The following HYDIN variants were observed in gnomAD, a reference collection of about 807,000 sequenced individuals.
HYDIN encodes axonemal central pair apparatus protein HYDIN.
HYDIN carries 132 observed loss-of-function variants against 403.9 expected under a neutral mutation model. The ratio of observed to expected loss-of-function variants is 0.33; its 90% confidence interval spans 0.28 to 0.38. HYDIN has a LOEUF of 0.38. Among genes scored for constraint, HYDIN ranks in the 10% least tolerant of loss-of-function variants. The pLI is 1.00. For synonymous variants in HYDIN, 1,202 were observed against 1,891.7 expected, an observed-to-expected ratio of 0.64 and a Z score of 9.46; for missense variants, 2,827 against 5,009.5, an observed-to-expected ratio of 0.56 and a Z score of 13.15.
At chr16:70,858,812 C>T (rs2039197023) in intron 71 of HYDIN, among the ~76,000 whole-genome samples, 1 of 152,092 alleles carries the variant, frequency 6.6e-6, no homozygotes, top group Non-Finnish European at 1.5e-5. Context: ...GGGCCATGAT[C>T]CAGGTAGGAT....
intron 67 of HYDIN, chr16:70,865,286 C>G: frequency 2.8e-6 from 1 of 358,368 alleles, no homozygotes; most frequent in Non-Finnish European, 5.6e-6. Context: ...AGCTGGGGAA[C>G]TACCTTGTCC....
At chr16:71,177,544 T>C (rs1438999276) in intron 4 of HYDIN, among the ~76,000 whole-genome samples, 2 of 152,180 alleles carry the variant, frequency 1.3e-5, no homozygotes, top group East Asian at 3.9e-4. Flanking sequence ...TGTCACTAAA[T>C]CACCCCACTG....
At chr16:71,228,683 T>C (rs1010511694) in intron 1 of HYDIN, among the ~76,000 whole-genome samples, 5 of 152,130 alleles carry the variant, frequency 3.3e-5, no homozygotes, top group Admixed American at 6.5e-5. Flanking sequence ...CGTGGAGAAA[T>C]AGGAACACTT....
chr16:71,173,509 A>G (rs983058829), intron 5 of HYDIN, among the ~76,000 whole-genome samples: 3 of 152,230 alleles, frequency 2.0e-5, no homozygotes, highest in Non-Finnish European at 2.9e-5. Flanking sequence ...AAACAGTAAT[A>G]AAATCTCTCT....
intron 45 of HYDIN, among the ~76,000 whole-genome samples, chr16:70,933,343 G>A (rs1406584756): frequency 6.7e-6 from 1 of 149,966 alleles, no homozygotes; most frequent in Non-Finnish European, 1.5e-5. Flanking sequence ...GAGGAATATA[G>A]GGCCAGGAAG....
chr16:70,889,468 T>C, intron 58 of HYDIN, 119 bp downstream of exon 58: 1 of 199,398 alleles, frequency 5.0e-6, no homozygotes, highest in Non-Finnish European at 8.1e-6. Context: ...GTATAATTAT[T>C]TCATATTCCT....
intron 37 of HYDIN, among the ~76,000 whole-genome samples, chr16:70,963,089 G>A (rs1227863059): frequency 2.6e-5 from 4 of 151,602 alleles, no homozygotes; most frequent in Non-Finnish European, 5.9e-5. Context: ...GTACATTGCA[G>A]CCCTTGCTGC....
chr16:71,056,811 C>A (rs1339685751), intron 18 of HYDIN, among the ~76,000 whole-genome samples: 6 of 149,842 alleles, frequency 4.0e-5, no homozygotes, highest in Admixed American at 2.0e-4. Flanking sequence ...TGTAAGAATG[C>A]ATTTGAAGGT....
intron 50 of HYDIN, among the ~76,000 whole-genome samples, chr16:70,905,206 G>A (rs2076501045): frequency 6.6e-6 from 1 of 151,986 alleles, no homozygotes; most frequent in African/African-American, 2.4e-5. Flanking sequence ...TGCCAAAGGG[G>A]TGCCGCCTTC....
intron 75 of HYDIN, among the ~76,000 whole-genome samples, 199 bp downstream of exon 75, chr16:70,849,527 T>G (rs1340964569): frequency 6.6e-6 from 1 of 152,186 alleles, no homozygotes; most frequent in East Asian, 1.9e-4. Flanking sequence ...ATAATTGCTT[T>G]TCAATCCACA....
intron 1 of HYDIN, among the ~76,000 whole-genome samples, chr16:71,192,087 A>T (rs1251211033): frequency 1.3e-5 from 2 of 152,174 alleles, no homozygotes; most frequent in Non-Finnish European, 2.9e-5. Context: ...CAGAGGAGGT[A>T]AGTAACCTGC....
At chr16:71,218,199 C>T (rs745664816) in intron 1 of HYDIN, among the ~76,000 whole-genome samples, 9 of 152,150 alleles carry the variant, frequency 5.9e-5, no homozygotes, top group African/African-American at 9.7e-5. Context: ...TGGTTGTTAG[C>T]GACTGTTCCA....
intron 84 of HYDIN, among the ~76,000 whole-genome samples, chr16:70,811,762 C>T (rs1278758323): frequency 6.6e-6 from 1 of 151,816 alleles, no homozygotes; most frequent in Non-Finnish European, 1.5e-5. Flanking sequence ...GAGGCTGAGG[C>T]AGGAGAATTG....
intron 45 of HYDIN, among the ~76,000 whole-genome samples, chr16:70,923,647 C>CAAAAAAAAA (rs57860871): frequency 0.017 from 1,180 of 68,942 alleles, no homozygotes; most frequent in Non-Finnish European, 0.024. Context: ...CTAAAAAATA[C>CAAAAAAAAA]AAAAAAAAAA....
chr16:71,186,980 T>A (rs540963724), intron 1 of HYDIN, 62 bp from the exon 2 acceptor site: 2 of 1,090,352 alleles, frequency 1.8e-6, no homozygotes, highest in South Asian at 1.7e-5. Flanking sequence ...CAGGTCATAA[T>A]TTTTTTTAAG....
In HYDIN at chr16:70,804,348, G is replaced by C. The variant is rs2035016298; in HGVS notation, c.*3232C>G. Reference sequence around the variant, plus strand: ...AATGCACAGAGACAGTGGGGATGCAGCAGAGAAAGTGATGATCAAAGGTCA... The same window carrying C: ...AATGCACAGAGACAGTGGGGATGCACCAGAGAAAGTGATGATCAAAGGTCA... On this transcript the variant is annotated 3_prime_UTR_variant, in exon 86 of 86. Transcript: ENST00000393567. 6.6e-6 allele frequency among the ~76,000 whole-genome samples: 1 copy of C among 152,242 alleles called. No individual in the cohort carries two copies. The highest frequency in any genetic ancestry group is 1.5e-5 in the Non-Finnish European group (1 of 68,050).
At chr16:71,099,988 A>G (rs117475146) in intron 10 of HYDIN, among the ~76,000 whole-genome samples, 5,751 of 152,254 alleles carry the variant, frequency 0.038, 136 homozygotes, top group Non-Finnish European at 0.058. Flanking sequence ...TGGGCAACAG[A>G]GCAAGAAGTG....
chr16:70,937,522 G>A lies in HYDIN; in HGVS notation c.6995+1092C>T, dbSNP rs1179787853. ...ACAAAAAAATTGGCCGGGCATGGTG[G>A]TACATGCCTGTAATCCTAGCTACTT... is the stretch of plus-strand genomic sequence containing the variant. On this transcript the variant is annotated intron_variant, in intron 44 of 85. Transcript: ENST00000393567. Among the ~76,000 whole-genome samples the A allele has an allele frequency of 4.7e-5, 7 of 150,124 alleles. No individual in the cohort carries two copies. In the South Asian group the frequency reaches 1.3e-3, roughly 27 times the overall value.
chr16:71,211,492 A>T (rs937122578), intron 1 of HYDIN, among the ~76,000 whole-genome samples: 25 of 152,192 alleles, frequency 1.6e-4, no homozygotes, highest in African/African-American at 6.0e-4. Flanking sequence ...TACAAAAAAA[A>T]TTAGCCGGGC....
Sources: gnomAD v4.1 joint callset for allele counts (sites outside exome capture counted in the v4.1 genomes callset) on GRCh38, gnomAD v4.1.1 for gene constraint, MANE v1.5 for transcripts, NCBI Gene and HGNC (gene_info 2026-07-23, HGNC 2026-07-21) for gene names.